The following NDUFB8 variants were observed in gnomAD, a reference collection of about 807,000 sequenced individuals.
NDUFB8 encodes NADH:ubiquinone oxidoreductase subunit B8.
In NDUFB8, 17 loss-of-function variants were observed where a neutral mutation model predicts 26.0. That is an observed-to-expected ratio of 0.65 (90% confidence interval 0.45 to 0.98). NDUFB8 has a LOEUF of 0.98. Among genes scored for constraint, NDUFB8 ranks in the 50% least tolerant of loss-of-function variants. The pLI, the probability that NDUFB8 is intolerant of heterozygous loss-of-function variation, is 0.00. For synonymous variants in NDUFB8, 89 were observed against 93.1 expected, an observed-to-expected ratio of 0.96 and a Z score of 0.25; for missense variants, 238 against 255.0, an observed-to-expected ratio of 0.93 and a Z score of 0.45.
intron 2 of NDUFB8, 58 bp downstream of exon 2, chr10:100,529,322 A>T: frequency 4.0e-6 from 6 of 1,489,714 alleles, no homozygotes; most frequent in Non-Finnish European, 5.4e-6. Context: ...CAAGCCACCC[A>T]ACCCAGCCGG....
chr10:100,524,302 G>T lies in NDUFB8; in HGVS notation c.469-373C>A, dbSNP rs1852008800. On this transcript the variant is annotated intron_variant, in intron 4 of 4. Transcript: ENST00000299166. This position sits in a 1 kb window ranked among gnomAD's most constrained non-coding sequence, Gnocchi z 4.0. ...TCCATCCATCCCACTCTCTCTCGGG[G>T]TCGAGACAGACTCAATCTCCTTTAA... Among the ~76,000 whole-genome samples the T allele has an allele frequency of 6.6e-6, 1 of 152,080 alleles. No homozygotes were observed. The highest frequency in any genetic ancestry group is 6.6e-5 in the Admixed American group (1 of 15,260).
rs1851997218 is a variant in NDUFB8, at chr10:100,523,804, T to C, written c.*33A>G. The C allele has an allele frequency of 6.4e-7, 1 of 1,573,860 alleles. No homozygotes were observed. The highest frequency in any genetic ancestry group is 1.7e-5 in the Admixed American group (1 of 59,658). ...TAAATTTCTAGGAATGAGGGAGTCCTAGTTAGAGGACCCAAAAGCCCACGA... is the reference window on the plus strand; with the variant it reads ...TAAATTTCTAGGAATGAGGGAGTCCCAGTTAGAGGACCCAAAAGCCCACGA... On this transcript the variant is annotated 3_prime_UTR_variant, in exon 5 of 5. Transcript: ENST00000299166.
In NDUFB8 at chr10:100,524,949, C is replaced by T. The variant is rs920693146; in HGVS notation, c.469-1020G>A. On this transcript the variant is annotated intron_variant, in intron 4 of 4. Transcript: ENST00000299166. This position sits in a 1 kb window ranked among gnomAD's most constrained non-coding sequence, Gnocchi z 4.0. ...TATTTGTTCAATTAATGCTTTATTA[C>T]ACCATCAAGTCCAAATCCCTTAGCA... Among the ~76,000 whole-genome samples the T allele has an allele frequency of 3.9e-5, 6 of 152,238 alleles. No individual in the cohort carries two copies. Among genetic ancestry groups the T allele is most frequent in the Admixed American group, 6.5e-5 (1 of 15,286 alleles).
rs1422526452 is a variant in NDUFB8, at chr10:100,529,791, C to T, written c.61G>A (p.Val21Met). Residue 21 changes from valine (V) to methionine (M), a missense_variant, in exon 1 of 5, where the codon GTG becomes ATG. Transcript: ENST00000299166. ...CCTGTCCGTGCGCCCAGCGGCATCA[C>T]GTTCCGGGATGCCCTTTGCAGCCAC... ...VQWLQRASRN[V>M]MPLGARTASH... is the part of the protein sequence containing the mutation. 1.9e-6 allele frequency: 3 copies of T among 1,613,700 alleles called. No individual in the cohort carries two copies. The highest frequency in any genetic ancestry group is 2.5e-6 in the Non-Finnish European group (3 of 1,179,924).
At chr10:100,529,359 A>G in intron 2 of NDUFB8, 21 bp downstream of exon 2, 1 of 1,583,602 alleles carries the variant, frequency 6.3e-7, no homozygotes, top group Non-Finnish European at 8.6e-7. Flanking sequence ...CTTGGGTGCG[A>G]GCATACCCTC....
Position 100,529,824 on chromosome 10 carries a change from C to G in NDUFB8, c.28G>C (p.Gly10Arg). 6.2e-7 allele frequency: 1 copy of G among 1,608,960 alleles called. No homozygotes were observed. The highest frequency in any genetic ancestry group is 8.5e-7 in the Non-Finnish European group (1 of 1,177,812). ...GATGCCCTTTGCAGCCACTGGACTC[C>G]CAAGACCCCGGCCCTGGCCACCGCC... is the stretch of plus-strand genomic sequence containing the variant. MAVARAGVL[G>R]VQWLQRASRN... The change falls in exon 1 of 5, where the codon GGA (glycine) becomes CGA (arginine). Residue 10 changes from glycine (G) to arginine (R), a missense_variant. Gly to Arg is a moderately radical substitution (Grantham distance 125, BLOSUM62 -2). Coordinates refer to ENST00000299166, the MANE Select transcript of NDUFB8 (RefSeq NM_005004.4).
At chr10:100,527,554 G>T (rs1852073590) in intron 2 of NDUFB8, among the ~76,000 whole-genome samples, 1 of 152,054 alleles carries the variant, frequency 6.6e-6, no homozygotes, top group South Asian at 2.1e-4. Flanking sequence ...AGTGTGCCCA[G>T]ATCGCACCAT....
Position 100,529,825 on chromosome 10 carries a change from C to T in NDUFB8, c.27G>A (p.Leu9=), listed in dbSNP as rs1216537274. 1 of 1,607,986 alleles carries T rather than the reference C, an allele frequency of 6.2e-7. No individual in the cohort carries two copies. The highest frequency in any genetic ancestry group is 1.7e-5 in the Admixed American group (1 of 59,388). Residue 9 remains leucine (L), a synonymous_variant, in exon 1 of 5, where the codon TTG becomes TTA. Transcript: ENST00000299166. ...ATGCCCTTTGCAGCCACTGGACTCC[C>T]AAGACCCCGGCCCTGGCCACCGCCA... MAVARAGV[L]GVQWLQRASR...
chr10:100,526,712 A>G, intron 3 of NDUFB8, 158 bp from the exon 4 acceptor site: 1 of 907,412 alleles, frequency 1.1e-6, no homozygotes, highest in Non-Finnish European at 1.7e-6. Flanking sequence ...GCCCTACAGG[A>G]TTAGATGCTG....
chr10:100,525,500 C>G (rs1281633668), intron 4 of NDUFB8, among the ~76,000 whole-genome samples: 2 of 152,054 alleles, frequency 1.3e-5, no homozygotes, highest in Non-Finnish European at 2.9e-5. Flanking sequence ...CTCAAGCAAT[C>G]TGCCCACCTC....
At position 100,523,986 on chromosome 10, in the gene NDUFB8, C is replaced by T. The variant is rs138869292; in HGVS notation, c.469-57G>A. 14 of 1,611,176 alleles carry T rather than the reference C, an allele frequency of 8.7e-6. No homozygotes were observed. In the East Asian group the frequency reaches 8.9e-5, roughly 10 times the overall value. ...TACATTCAGTCAATACCTGGCTACA[C>T]CCCACTCTGAGTTAACAATCACGCA... is the stretch of plus-strand genomic sequence containing the variant. On this transcript the variant is annotated intron_variant, in intron 4 of 4. Coordinates refer to ENST00000299166, the MANE Select transcript of NDUFB8 (RefSeq NM_005004.4).
intron 4 of NDUFB8, 138 bp downstream of exon 4, chr10:100,526,261 G>A: frequency 9.9e-7 from 1 of 1,007,028 alleles, no homozygotes; most frequent in Non-Finnish European, 1.4e-6. Context: ...AATGGGTCAA[G>A]GCCCTCCTAT....
chr10:100,529,633 T>C (rs1485557527), intron 1 of NDUFB8, 127 bp from the exon 2 acceptor site: 1 of 1,543,148 alleles, frequency 6.5e-7, no homozygotes, highest in Non-Finnish European at 8.8e-7. Flanking sequence ...CTCCACCCCA[T>C]TTTCTGGATA....
At chr10:100,526,803 C>T (rs1852059141) in intron 3 of NDUFB8, 172 bp downstream of exon 3, 2 of 734,268 alleles carry the variant, frequency 2.7e-6, no homozygotes, top group Non-Finnish European at 4.5e-6. Context: ...TTCATGATTC[C>T]CAGACGTCCC....
chr10:100,529,578 GGCTGCAGAGGTCCGA>G, intron 1 of NDUFB8, 72 bp from the exon 2 acceptor site: 1 of 1,594,666 alleles, frequency 6.3e-7, no homozygotes, highest in African/African-American at 1.4e-5. Flanking sequence ...AAGTCGCAGG[GGCTGCAGAGGTCCGA>G]GCCCGGGACT....
chr10:100,526,924 G>T, intron 3 of NDUFB8, 51 bp downstream of exon 3: 1 of 1,537,922 alleles, frequency 6.5e-7, no homozygotes. Flanking sequence ...CTAAAGAATC[G>T]CCAAGAAGAC....
At position 100,524,751 on chromosome 10, in the gene NDUFB8, C is replaced by T. The variant is rs1852016065; in HGVS notation, c.469-822G>A. 6.6e-6 allele frequency among the ~76,000 whole-genome samples: 1 copy of T among 152,226 alleles called. No homozygotes were observed. Among genetic ancestry groups the T allele is most frequent in the African/African-American group, 2.4e-5 (1 of 41,446 alleles). ...GCTTTCAGCTTCTCTCCTTCCAGTA[C>T]ATCCTGGAGACTACTCCTGGATTAA... On this transcript the variant is annotated intron_variant, in intron 4 of 4. Transcript: ENST00000299166. This position sits in a 1 kb window ranked among gnomAD's most constrained non-coding sequence, Gnocchi z 4.0.
At position 100,526,403 on chromosome 10, in the gene NDUFB8, G is replaced by A. The variant is rs1481608279; in HGVS notation, c.464C>T (p.Pro155Leu). 2 of 1,595,136 alleles carry A rather than the reference G, an allele frequency of 1.3e-6. No individual in the cohort carries two copies. Among genetic ancestry groups the A allele is most frequent in the South Asian group, 2.3e-5 (2 of 88,282 alleles). Residue 155 changes from proline (P) to leucine (L), a missense_variant, in exon 4 of 5, where the codon CCT (proline) becomes CTT (leucine). Coordinates refer to ENST00000299166, the MANE Select transcript of NDUFB8 (RefSeq NM_005004.4). ...WVGDVYPVYQ[P>L]VGPKQYPYNN... ...GAGCACTTCTCGGATACTCACCACA[G>A]GCTGGTAGACAGGGTACACGTCCCC...
At chr10:100,525,520 A>G (rs186874334) in intron 4 of NDUFB8, among the ~76,000 whole-genome samples, 65 of 151,610 alleles carry the variant, frequency 4.3e-4, no homozygotes, top group African/African-American at 1.5e-3. Context: ...CAGCCTCCCA[A>G]TGTGCCGGGA....
Sources: gnomAD v4.1 joint callset for allele counts (sites outside exome capture counted in the v4.1 genomes callset) on GRCh38, gnomAD v4.1.1 for gene constraint, Gnocchi (gnomAD v3.1) non-coding constraint, MANE v1.5 for transcripts, NCBI Gene and HGNC (gene_info 2026-07-23, HGNC 2026-07-21) for gene names.